USP10: variants seen among roughly 807,000 people sequenced by gnomAD.
USP10 encodes ubiquitin specific peptidase 10.
In USP10, 22 loss-of-function variants were observed where a neutral mutation model predicts 84.5. The observed-to-expected ratio is 0.26, with a 90% CI of 0.19 to 0.37. The LOEUF (loss-of-function observed/expected upper bound fraction) is 0.37, where lower values mean the gene tolerates loss of function less well. Ranked by LOEUF, USP10 falls within the 10% of genes least tolerant of loss-of-function variation. USP10 has a pLI of 1.00. For synonymous variants in USP10, 454 were observed against 387.6 expected, an observed-to-expected ratio of 1.17 and a Z score of -2.01; for missense variants, 1,019 against 998.9, an observed-to-expected ratio of 1.02 and a Z score of -0.27.
intron 1 of USP10, among the ~76,000 whole-genome samples, chr16:84,705,077 C>G (rs1009716513): frequency 6.6e-6 from 1 of 152,176 alleles, no homozygotes; most frequent in South Asian, 2.1e-4. Flanking sequence ...TGTCATTCTT[C>G]GGATCCATTC....
At position 84,772,570 on chromosome 16, in the gene USP10, A is replaced by G. The variant is rs151084551; in HGVS notation, c.2028A>G (p.Glu676=). Residue 676 remains glutamate (E), a synonymous_variant, in exon 12 of 14, where the codon GAA becomes GAG. Transcript: ENST00000219473. ...AGATAAGTCGAAGAGTGACTCTGGA[A>G]AAACTCCCTCCTGTCCTCGTGCTGC... The part of the protein sequence containing the change: ...EVEISRRVTL[E]KLPPVLVLHL... 613 of 1,613,924 alleles carry G rather than the reference A, an allele frequency of 3.8e-4. 2 individuals carry two copies. In the African/African-American group the frequency reaches 5.2e-3, roughly 14 times the overall value.
At chr16:84,729,697 C>G (rs1248129642) in intron 1 of USP10, among the ~76,000 whole-genome samples, 1 of 152,204 alleles carries the variant, frequency 6.6e-6, no homozygotes, top group Non-Finnish European at 1.5e-5. Context: ...TGAAGTGTAA[C>G]TGCTCACTTT....
intron 8 of USP10, 136 bp from the exon 9 acceptor site, chr16:84,762,853 A>G: frequency 3.7e-6 from 2 of 535,032 alleles, no homozygotes; most frequent in South Asian, 3.0e-5. Flanking sequence ...AACCCATGTC[A>G]TCATGTCATT....
chr16:84,745,557 A>G lies in USP10; in HGVS notation c.1076A>G (p.Tyr359Cys), dbSNP rs1387367855. The change falls in exon 4 of 14, where the codon TAT (tyrosine) becomes TGT (cysteine). Residue 359 changes from tyrosine to cysteine, a missense_variant. Transcript: ENST00000219473. ...CCCTCTTCCTCCTCGCCGGTGGCCT[A>G]TGTGGAAACTAAGTATTCCCCTCCC... ...SKPSSSSPVAYVETKYSPPAI... is the reference protein window; with the variant it reads ...SKPSSSSPVACVETKYSPPAI... The G allele has an allele frequency of 1.8e-5, 29 of 1,611,674 alleles. No individual in the cohort carries two copies. The highest frequency in any genetic ancestry group is 3.3e-5 in the South Asian group (3 of 90,570).
At chr16:84,731,673 G>A (rs1396217805) in intron 1 of USP10, among the ~76,000 whole-genome samples, 1 of 152,156 alleles carries the variant, frequency 6.6e-6, no homozygotes, top group East Asian at 1.9e-4. Context: ...GCCTTCCATA[G>A]CCTTGTTGAT....
intron 1 of USP10, among the ~76,000 whole-genome samples, chr16:84,714,104 G>A (rs1906675917): frequency 6.6e-6 from 1 of 152,194 alleles, no homozygotes; most frequent in Non-Finnish European, 1.5e-5. Flanking sequence ...GCAGTTTGGA[G>A]GGTGAGGGGT....
At chr16:84,709,476 A>G (rs1002509743) in intron 1 of USP10, among the ~76,000 whole-genome samples, 1 of 152,096 alleles carries the variant, frequency 6.6e-6, no homozygotes, top group African/African-American at 2.4e-5. Flanking sequence ...AAAGTGTGGA[A>G]GAGGGGGTGG....
chr16:84,700,311 C>A (rs1263446477), intron 1 of USP10, among the ~76,000 whole-genome samples, 200 bp downstream of exon 1: 2 of 151,384 alleles, frequency 1.3e-5, no homozygotes, highest in Admixed American at 6.6e-5. Context: ...GCCACCCGGA[C>A]CCCCTAGTCC....
Position 84,702,433 on chromosome 16 carries a change from T to G in USP10, c.21+2322T>G, listed in dbSNP as rs554526103. 4.6e-5 allele frequency among the ~76,000 whole-genome samples: 7 copies of G among 152,338 alleles called. No homozygotes were observed. In the South Asian group the frequency reaches 1.4e-3, roughly 32 times the overall value. On this transcript the variant is annotated intron_variant, in intron 1 of 13. Coordinates refer to ENST00000219473, the MANE Select transcript of USP10 (RefSeq NM_005153.3). ...TGGAATCATGTATGACAGGATTTAG[T>G]TACTGGTTCCTGCTCCAGTCATTCT...
chr16:84,756,481 T>C (rs972404806), intron 4 of USP10, among the ~76,000 whole-genome samples: 2 of 152,076 alleles, frequency 1.3e-5, no homozygotes. Context: ...TAATCCCAGC[T>C]ACATGGGAGG....
At chr16:84,713,521 T>C (rs9937760) in intron 1 of USP10, among the ~76,000 whole-genome samples, 66,101 of 151,956 alleles carry the variant, frequency 0.44, 14,672 homozygotes, top group Admixed American at 0.62. Flanking sequence ...TGTAAGCTCC[T>C]TGAGGCCCCA....
intron 1 of USP10, among the ~76,000 whole-genome samples, chr16:84,729,776 A>T (rs559678313): frequency 2.0e-5 from 3 of 152,224 alleles, no homozygotes; most frequent in African/African-American, 7.2e-5. Flanking sequence ...TTTTTGAGCT[A>T]TGTGAGCCAG....
chr16:84,771,409 C>T (rs1403058983), intron 11 of USP10, among the ~76,000 whole-genome samples: 4 of 152,050 alleles, frequency 2.6e-5, no homozygotes, highest in Non-Finnish European at 4.4e-5. Context: ...GTGGGAGAAT[C>T]ACCTGAGCCC....
intron 1 of USP10, among the ~76,000 whole-genome samples, chr16:84,717,059 C>T (rs1432220519): frequency 6.6e-6 from 1 of 152,144 alleles, no homozygotes; most frequent in Non-Finnish European, 1.5e-5. Flanking sequence ...AGCTGCGGGT[C>T]TTGTGAATGT....
At chr16:84,715,160 C>T (rs891857071) in intron 1 of USP10, among the ~76,000 whole-genome samples, 2 of 152,094 alleles carry the variant, frequency 1.3e-5, no homozygotes, top group Non-Finnish European at 2.9e-5. Context: ...GACCTCCTGA[C>T]CTCAAGTGAT....
chr16:84,738,297 A>G (rs1056581288), intron 2 of USP10, among the ~76,000 whole-genome samples: 2 of 152,354 alleles, frequency 1.3e-5, no homozygotes, highest in Middle Eastern at 3.4e-3. Context: ...TGATGTTACA[A>G]TAAATTTTGT....
At position 84,745,323 on chromosome 16, in the gene USP10, A is replaced by T. The variant is rs572234409; in HGVS notation, c.842A>T (p.Asn281Ile). ...TGCGTTGGTACCGATACTACTGAAA[A>T]CCTTGGAGTTGCTAATGGACAAATA... Reference protein sequence around the residue: ...QPCVGTDTTENLGVANGQILE... With the variant: ...QPCVGTDTTEILGVANGQILE... Residue 281 changes from asparagine (N) to isoleucine (I), a missense_variant, in exon 4 of 14, where the codon AAC (asparagine) becomes ATC (isoleucine). Physicochemically the swap from Asn to Ile is moderately radical, Grantham distance 149. Around this residue, in one of 2 missense-constraint regions of USP10, gnomAD observed 787 missense variants for 708.8 expected, o/e 1.11. Coordinates refer to ENST00000219473, the MANE Select transcript of USP10 (RefSeq NM_005153.3). The T allele has an allele frequency of 4.5e-5, 73 of 1,612,872 alleles. 1 individual carries two copies. The South Asian group carries it at 7.5e-4, about 17-fold the overall frequency.
intron 1 of USP10, among the ~76,000 whole-genome samples, chr16:84,714,290 C>T (rs1541699): frequency 0.78 from 118,069 of 152,120 alleles, 45,944 homozygotes; most frequent in East Asian, 0.95. Context: ...TGTGGAATGA[C>T]ACTTGTTTAG....
chr16:84,752,989 CAG>C (rs1465892421), intron 4 of USP10, among the ~76,000 whole-genome samples: 2 of 151,228 alleles, frequency 1.3e-5, no homozygotes, highest in Non-Finnish European at 2.9e-5. Context: ...TCTTAAGAAA[CAG>C]GGTCTTGCTC....
Sources: allele counts gnomAD v4.1 joint callset (sites outside exome capture counted in the v4.1 genomes callset), GRCh38; gene constraint gnomAD v4.1.1; regional missense constraint gnomAD v4.1.1; transcripts MANE v1.5; gene names NCBI Gene and HGNC (gene_info 2026-07-23, HGNC 2026-07-21).